ZNF236: variants seen among roughly 807,000 people sequenced by gnomAD.
ZNF236 encodes the protein zinc finger protein 236.
Under a neutral mutation model 191.2 loss-of-function variants are expected in ZNF236, and 50 were observed. The ratio of observed to expected loss-of-function variants is 0.26; its 90% confidence interval spans 0.21 to 0.33. The LOEUF is 0.33. Among genes scored for constraint, ZNF236 ranks in the 10% least tolerant of loss-of-function variants. The pLI is 1.00. For synonymous variants in ZNF236, 907 were observed against 928.8 expected (o/e 0.98, Z 0.43); for missense variants, 1,754 against 2,374.5 (o/e 0.74, Z 5.43).
In ZNF236 at chr18:76,880,858, C is replaced by G. The variant is rs1246823847; in HGVS notation, c.1189-426C>G. Among the ~76,000 whole-genome samples the G allele has an allele frequency of 6.6e-6, 1 of 152,092 alleles. No homozygotes were observed. The highest frequency in any genetic ancestry group is 6.5e-5 in the Admixed American group (1 of 15,270). On this transcript the variant is annotated intron_variant, in intron 8 of 30. Coordinates refer to ENST00000320610, the MANE Select transcript of ZNF236 (RefSeq NM_001306089.2). The surrounding 1 kb of genome is among the most constrained non-coding windows in gnomAD (Gnocchi z 5.0). ...CTCTGTTACTTGTTTAACCTTCCTC[C>G]TGTACCTTCATGGGGAAGAGCTGGC...
At chr18:76,826,479 TC>T (rs1325781049) in intron 1 of ZNF236, among the ~76,000 whole-genome samples, 11 of 151,656 alleles carry the variant, frequency 7.3e-5, no homozygotes, top group African/African-American at 2.7e-4. Flanking sequence ...GGGAACTGGA[TC>T]TCCATTTGTG....
intron 13 of ZNF236, 27 bp downstream of exon 13, chr18:76,905,442 T>G (rs964078409): frequency 1.1e-5 from 17 of 1,605,400 alleles, no homozygotes; most frequent in Non-Finnish European, 1.4e-5. Context: ...TGGTCACTTT[T>G]TATCATCTTT....
chr18:76,873,088 A>G (rs1358661406), intron 5 of ZNF236, among the ~76,000 whole-genome samples: 5 of 142,708 alleles, frequency 3.5e-5, no homozygotes, highest in Non-Finnish European at 8.0e-5. Context: ...TAAATGTGCT[A>G]ATACATTGTG....
intron 20 of ZNF236, among the ~76,000 whole-genome samples, chr18:76,922,630 C>T (rs1219572313): frequency 2.0e-5 from 3 of 151,416 alleles, no homozygotes; most frequent in East Asian, 1.9e-4. Flanking sequence ...GATCACGGCT[C>T]ACTGCAACCT....
chr18:76,927,812 T>A lies in ZNF236; in HGVS notation c.4415-115T>A. 1 of 910,490 alleles carries A rather than the reference T, an allele frequency of 1.1e-6. No homozygotes were observed. The highest frequency in any genetic ancestry group is 1.6e-6 in the Non-Finnish European group (1 of 628,632). The allele number at this position is 910,490 out of a possible 1,614,324, so 56.4% of individuals were successfully genotyped here. A position where few individuals can be genotyped will look rare whatever the true frequency, so the allele number is the denominator to read the frequency against. On this transcript the variant is annotated intron_variant, in intron 24 of 30. Transcript: ENST00000320610. This position sits in a 1 kb window ranked among gnomAD's most constrained non-coding sequence, Gnocchi z 5.4. ...GAGATGACTGATGCTTTGTTTTAAA[T>A]CTTTGTCTTATTGAAATATGTAATA...
At chr18:76,828,689 C>G (rs1335503801) in intron 1 of ZNF236, among the ~76,000 whole-genome samples, 1 of 152,140 alleles carries the variant, frequency 6.6e-6, no homozygotes, top group Non-Finnish European at 1.5e-5. Context: ...ATTTTGGAGA[C>G]GGAGTCTCGC....
chr18:76,901,096 T>A (rs561136425), intron 11 of ZNF236, among the ~76,000 whole-genome samples: 1 of 152,340 alleles, frequency 6.6e-6, no homozygotes, highest in Admixed American at 6.5e-5. Context: ...CGTGGCCCGG[T>A]TCCTAACAGG....
At position 76,895,189 on chromosome 18, in the gene ZNF236, A is replaced by G. The variant is rs1316530897; in HGVS notation, c.1594A>G (p.Lys532Glu). 1.2e-6 allele frequency: 2 copies of G among 1,604,210 alleles called. No individual in the cohort carries two copies. Among genetic ancestry groups the G allele is most frequent in the Non-Finnish European group, 1.7e-6 (2 of 1,179,964 alleles). ...GAAGAGCACGCTGACAGCGCACATC[A>G]AGACGCACACCGGCATCAAGGCGTT... ...AVKSTLTAHI[K>E]THTGIKAFKC... The change falls in exon 10 of 31, where the codon AAG becomes GAG. Residue 532 changes from lysine to glutamate, a missense_variant. Transcript: ENST00000320610.
At chr18:76,865,630 A>G (rs1976384705) in intron 3 of ZNF236, among the ~76,000 whole-genome samples, 1 of 152,214 alleles carries the variant, frequency 6.6e-6, no homozygotes, top group Admixed American at 6.5e-5. Context: ...GATGAAAGTC[A>G]GTGAAGCACC....
chr18:76,957,288 C>G (rs902930846), intron 28 of ZNF236, among the ~76,000 whole-genome samples: 2 of 152,098 alleles, frequency 1.3e-5, no homozygotes, highest in African/African-American at 4.8e-5. Flanking sequence ...ACCAGGATGG[C>G]TTTTTTGGAG....
intron 16 of ZNF236, 66 bp downstream of exon 16, chr18:76,910,877 CATT>C (rs1967201293): frequency 6.4e-7 from 1 of 1,553,034 alleles, no homozygotes; most frequent in Non-Finnish European, 8.7e-7. Flanking sequence ...TCTTCACTGT[CATT>C]ATTAAAAATT....
At chr18:76,932,842 A>T (rs184392467) in intron 25 of ZNF236, among the ~76,000 whole-genome samples, 1 of 152,194 alleles carries the variant, frequency 6.6e-6, no homozygotes, top group Admixed American at 6.5e-5. Context: ...GAAATTGGGG[A>T]TGTTCTGACC....
chr18:76,968,279 C>A lies in ZNF236; in HGVS notation c.5484C>A (p.His1828Gln), dbSNP rs765250218. Reference sequence around the variant, plus strand: ...GGGAGGAGCTGAGCCGGACCCTCCACCTGGAGGAGGTGGTGCAGGAGGCCG... The same window carrying A: ...GGGAGGAGCTGAGCCGGACCCTCCAACTGGAGGAGGTGGTGCAGGAGGCCG... ...QDGEELSRTL[H>Q]LEEVVQEAAG... The change falls in exon 31 of 31, where the codon CAC becomes CAA. Residue 1828 changes from histidine (H) to glutamine (Q), a missense_variant. Physicochemically the swap from His to Gln is conservative, Grantham distance 24. Around this residue, in one of 5 missense-constraint regions of ZNF236, gnomAD observed 606 missense variants for 761.5 expected, o/e 0.80. Transcript: ENST00000320610. 6.2e-6 allele frequency: 10 copies of A among 1,611,198 alleles called. No homozygotes were observed. The African/African-American group carries it at 9.4e-5, about 15-fold the overall frequency.
intron 2 of ZNF236, among the ~76,000 whole-genome samples, chr18:76,850,802 C>T (rs946409901): frequency 1.3e-5 from 2 of 151,854 alleles, no homozygotes; most frequent in Non-Finnish European, 2.9e-5. Context: ...GGGCTTTCGC[C>T]ATGTTGGCCA....
intron 18 of ZNF236, among the ~76,000 whole-genome samples, chr18:76,914,542 C>T (rs754133263): frequency 1.3e-5 from 2 of 152,108 alleles, no homozygotes; most frequent in Non-Finnish European, 2.9e-5. Flanking sequence ...TTCCCCACAT[C>T]CTTGCCAATG....
At chr18:76,932,147 G>A (rs1967869722) in intron 25 of ZNF236, among the ~76,000 whole-genome samples, 1 of 152,184 alleles carries the variant, frequency 6.6e-6, no homozygotes, top group African/African-American at 2.4e-5. Flanking sequence ...TAAAATTACA[G>A]CTGTAACCAT....
chr18:76,948,226 A>G lies in ZNF236; in HGVS notation c.4914+574A>G, dbSNP rs143405472. ...TAAAAGTTTCCAGGGTCAGAATTAA[A>G]GCACAGATGATGAATAATCTCTGAA... On this transcript the variant is annotated intron_variant, in intron 27 of 30. Transcript: ENST00000320610. 3.3e-3 allele frequency among the ~76,000 whole-genome samples: 500 copies of G among 152,342 alleles called. 11 individuals are homozygous for G. In the South Asian group the frequency reaches 0.046, roughly 14 times the overall value.
intron 3 of ZNF236, among the ~76,000 whole-genome samples, chr18:76,865,801 T>C (rs539710562): frequency 7.2e-5 from 11 of 152,360 alleles, no homozygotes; most frequent in Admixed American, 2.6e-4. Flanking sequence ...GCATTTGTTA[T>C]ATGTAAAGTA....
chr18:76,929,430 C>T (rs76734557), intron 25 of ZNF236, among the ~76,000 whole-genome samples: 7,205 of 152,196 alleles, frequency 0.047, 295 homozygotes, highest in African/African-American at 0.11. Context: ...AATTAACTTT[C>T]TCGAGTACAC....
Sources: gnomAD v4.1 joint callset for allele counts (sites outside exome capture counted in the v4.1 genomes callset) on GRCh38, gnomAD v4.1.1 for gene constraint, gnomAD v4.1.1 regional missense constraint, Gnocchi (gnomAD v3.1) non-coding constraint, MANE v1.5 for transcripts, NCBI Gene and HGNC (gene_info 2026-07-23, HGNC 2026-07-21) for gene names.